DLG1: variants seen among roughly 807,000 people sequenced by gnomAD.
DLG1 encodes disks large homolog 1.
Under a neutral mutation model 123.4 loss-of-function variants are expected in DLG1, and 42 were observed. The observed-to-expected ratio is 0.34, with a 90% CI of 0.27 to 0.44. The LOEUF is 0.44. Among genes scored for constraint, DLG1 ranks in the 20% least tolerant of loss-of-function variants. DLG1 has a pLI of 1.00. For missense variants in DLG1, 942 were observed against 1,082.6 expected (o/e 0.87, Z 1.82); for synonymous variants, 317 against 356.2 (o/e 0.89, Z 1.24).
chr3:197,255,943 A>G (rs1756648659), intron 4 of DLG1, among the ~76,000 whole-genome samples: 1 of 152,176 alleles, frequency 6.6e-6, no homozygotes, highest in Non-Finnish European at 1.5e-5. Context: ...CACAGAAAAA[A>G]TAATGATGAT....
chr3:197,094,736 C>T lies in DLG1; in HGVS notation c.1547-3710G>A, dbSNP rs573290598. On this transcript the variant is annotated intron_variant, in intron 14 of 24. Transcript: ENST00000667157. ...TCTCTCACCCCAGGAAGTGTTTATA[C>T]GAACACTATCACTCTATTTGTTGAT... Among the ~76,000 whole-genome samples, 108 of 152,260 alleles carry T rather than the reference C, an allele frequency of 7.1e-4. 1 individual carries two copies. The highest frequency in any genetic ancestry group is 2.3e-3 in the African/African-American group (95 of 41,548).
chr3:197,081,551 C>T (rs535324470), intron 16 of DLG1, among the ~76,000 whole-genome samples: 190 of 152,290 alleles, frequency 1.2e-3, no homozygotes, highest in African/African-American at 4.4e-3. Flanking sequence ...TGGACGTTCA[C>T]TGTATATTGC....
intron 14 of DLG1, among the ~76,000 whole-genome samples, chr3:197,101,063 C>T (rs1763165761): frequency 6.6e-6 from 1 of 152,166 alleles, no homozygotes; most frequent in South Asian, 2.1e-4. Flanking sequence ...TTGCCTCTTG[C>T]ATCCATATAC....
intron 5 of DLG1, chr3:197,183,835 A>C (rs932393683): frequency 1.3e-6 from 2 of 1,542,950 alleles, no homozygotes; most frequent in Admixed American, 2.0e-5. Flanking sequence ...GTGGTTGCCA[A>C]GCAGGCTTAC....
chr3:197,227,461 T>G (rs1740557086), intron 4 of DLG1, among the ~76,000 whole-genome samples: 1 of 150,566 alleles, frequency 6.6e-6, no homozygotes, highest in Admixed American at 6.6e-5. Flanking sequence ...GGCGACAGAG[T>G]GAGACTCCAT....
intron 23 of DLG1, among the ~76,000 whole-genome samples, chr3:197,056,054 G>A (rs2148775329): frequency 6.6e-6 from 1 of 152,314 alleles, no homozygotes; most frequent in East Asian, 1.9e-4. Flanking sequence ...ACAGGTAGTT[G>A]CTACCATGTT....
At chr3:197,106,095 G>T (rs539210908) in intron 13 of DLG1, among the ~76,000 whole-genome samples, 1 of 152,224 alleles carries the variant, frequency 6.6e-6, no homozygotes, top group South Asian at 2.1e-4. Context: ...AAACCATTAT[G>T]CAACTAAATT....
chr3:197,178,256 G>C (rs950105488), intron 5 of DLG1, among the ~76,000 whole-genome samples: 5 of 152,256 alleles, frequency 3.3e-5, no homozygotes, highest in African/African-American at 1.2e-4. Flanking sequence ...AGTAGTTGCA[G>C]AAGTGTTGAA....
At chr3:197,219,343 C>G (rs1053068033) in intron 4 of DLG1, among the ~76,000 whole-genome samples, 1 of 152,166 alleles carries the variant, frequency 6.6e-6, no homozygotes, top group South Asian at 2.1e-4. Context: ...TATTCTTAAA[C>G]CACATCACCT....
chr3:197,089,473 G>A (rs969843205), intron 15 of DLG1, among the ~76,000 whole-genome samples: 5 of 151,488 alleles, frequency 3.3e-5, no homozygotes, highest in Admixed American at 2.6e-4. Context: ...GCTACAGTGA[G>A]CTGAGATCGC....
At chr3:197,085,794 A>G (rs1753986714) in intron 15 of DLG1, 38 bp from the exon 16 acceptor site, 1 of 1,573,458 alleles carries the variant, frequency 6.4e-7, no homozygotes, top group Non-Finnish European at 8.7e-7. Flanking sequence ...ATCACTTGTT[A>G]TAATATTAAT....
chr3:197,147,427 GGT>G lies in DLG1; in HGVS notation c.537+2314_537+2315del, dbSNP rs1288433165. Among the ~76,000 whole-genome samples the G allele has an allele frequency of 4.2e-4, 44 of 104,050 alleles. No individual in the cohort carries two copies. In the South Asian group the frequency reaches 5.4e-3, roughly 13 times the overall value. 68.3% of individuals were successfully genotyped at this position (104,050 alleles called of 152,430 possible). On this transcript the variant is annotated intron_variant, in intron 6 of 24. Coordinates refer to ENST00000667157, the MANE Select transcript of DLG1 (RefSeq NM_001366207.1). ...TTCCATGAGTGGATAAAAAATATAT[GGT>G]GTGCACACACACACACACACACACA...
At chr3:197,197,427 T>G (rs2150291908) in intron 4 of DLG1, among the ~76,000 whole-genome samples, 1 of 152,376 alleles carries the variant, frequency 6.6e-6, no homozygotes, top group East Asian at 1.9e-4. Flanking sequence ...ATGGAATACA[T>G]GTATAAAGAG....
At chr3:197,122,126 A>G (rs953537150) in intron 11 of DLG1, among the ~76,000 whole-genome samples, 1 of 152,050 alleles carries the variant, frequency 6.6e-6, no homozygotes, top group African/African-American at 2.4e-5. Flanking sequence ...TCAATGATAT[A>G]TAATATATAT....
intron 3 of DLG1, among the ~76,000 whole-genome samples, chr3:197,284,928 C>A (rs1363854566): frequency 6.6e-5 from 10 of 151,394 alleles, no homozygotes; most frequent in Non-Finnish European, 1.5e-4. Context: ...TAAACAAGAC[C>A]ACACAAAGCT....
At chr3:197,049,598 C>A (rs139280803) in intron 24 of DLG1, among the ~76,000 whole-genome samples, 3,983 of 152,070 alleles carry the variant, frequency 0.026, 182 homozygotes, top group African/African-American at 0.092. Context: ...ACTAAAAATA[C>A]AAAATTAGCT....
At chr3:197,127,183 G>A (rs1408636457) in intron 11 of DLG1, among the ~76,000 whole-genome samples, 1 of 151,614 alleles carries the variant, frequency 6.6e-6, no homozygotes, top group Non-Finnish European at 1.5e-5. Context: ...AGCACTTTGA[G>A]AGGCCGAGGC....
intron 11 of DLG1, among the ~76,000 whole-genome samples, chr3:197,124,105 C>T (rs1419109574): frequency 1.3e-5 from 2 of 152,138 alleles, no homozygotes; most frequent in African/African-American, 2.4e-5. Context: ...ATTAGCTGGG[C>T]ATGCTATCCT....
intron 2 of DLG1, 108 bp downstream of exon 2, chr3:197,297,078 C>G (rs1373589145): frequency 6.8e-6 from 8 of 1,179,760 alleles, no homozygotes; most frequent in Non-Finnish European, 8.9e-6. Context: ...AAGCTAGGAC[C>G]GTGCTGTCTC....
Sources: allele counts gnomAD v4.1 joint callset (sites outside exome capture counted in the v4.1 genomes callset), GRCh38; gene constraint gnomAD v4.1.1; transcripts MANE v1.5; gene names NCBI Gene and HGNC (gene_info 2026-07-23, HGNC 2026-07-21).